The following SRRM3 variants were observed in gnomAD, a reference collection of about 807,000 sequenced individuals.
SRRM3 encodes serine/arginine repetitive matrix protein 3.
In SRRM3, 27 loss-of-function variants were observed where a neutral mutation model predicts 66.2. That is an observed-to-expected ratio of 0.41 (90% confidence interval 0.30 to 0.56). The LOEUF is 0.56. SRRM3 is among the 20% of genes least tolerant of loss of function. The pLI is 0.32. For synonymous variants in SRRM3, 391 were observed against 414.9 expected, an observed-to-expected ratio of 0.94 and a Z score of 0.70; for missense variants, 918 against 991.9, an observed-to-expected ratio of 0.93 and a Z score of 1.00.
In SRRM3 at chr7:76,281,811, G is replaced by A; in HGVS notation, c.1370+9G>A. 7.4e-7 allele frequency: 1 copy of A among 1,356,900 alleles called. No homozygotes were observed. Among genetic ancestry groups the A allele is most frequent in the Non-Finnish European group, 9.5e-7 (1 of 1,054,962 alleles). 84.1% of individuals were successfully genotyped at this position (1,356,900 alleles called of 1,614,324 possible). ...GGCGGACACGGGAAACGGTGAGCGT[G>A]CTGGACCCGGAGCTGGACTCCCGCC... On this transcript the variant is annotated intron_variant, in intron 12 of 14. Transcript: ENST00000611745.
chr7:76,213,733 TG>T (rs1800492461), intron 1 of SRRM3, among the ~76,000 whole-genome samples: 1 of 151,990 alleles, frequency 6.6e-6, no homozygotes, highest in Admixed American at 6.6e-5. Context: ...GGATGGGAAG[TG>T]GTGGCAGAGG....
chr7:76,266,584 ATATATTT>A (rs1331647505), intron 10 of SRRM3, among the ~76,000 whole-genome samples: 1 of 121,630 alleles, frequency 8.2e-6, no homozygotes, highest in African/African-American at 3.2e-5. Flanking sequence ...TTTATATATT[ATATATTT>A]TATATATTTA....
chr7:76,220,112 G>A (rs955124174), intron 1 of SRRM3, among the ~76,000 whole-genome samples: 6 of 152,154 alleles, frequency 3.9e-5, no homozygotes, highest in African/African-American at 7.2e-5. Flanking sequence ...AAACACAGGC[G>A]GGGTCTCAGC....
intron 3 of SRRM3, among the ~76,000 whole-genome samples, chr7:76,248,947 T>C (rs1801507117): frequency 6.6e-6 from 1 of 152,038 alleles, no homozygotes; most frequent in Non-Finnish European, 1.5e-5. Context: ...GCCACTGTAC[T>C]CCAGCCTGGT....
intron 11 of SRRM3, among the ~76,000 whole-genome samples, 187 bp from the exon 12 acceptor site, chr7:76,281,250 TTCTG>T (rs782104200): frequency 7.3e-5 from 11 of 150,530 alleles, no homozygotes; most frequent in Non-Finnish European, 1.5e-4. Context: ...CTCGCTCTTT[TTCTG>T]TCTCTCTGTC....
At chr7:76,223,710 C>T (rs377722833) in intron 1 of SRRM3, among the ~76,000 whole-genome samples, 1 of 152,116 alleles carries the variant, frequency 6.6e-6, no homozygotes, top group Admixed American at 6.5e-5. Flanking sequence ...TCTCATCCTG[C>T]GTTTGCAGCC....
chr7:76,259,994 G>C lies in SRRM3; in HGVS notation c.424G>C (p.Asp142His), dbSNP rs1554608304. Reference sequence around the variant, plus strand: ...CGATGACGACGGCCCAGTGGACTGTGACTGCCCGGCCTCCTGCTACCGCGG... The same window carrying C: ...CGATGACGACGGCCCAGTGGACTGTCACTGCCCGGCCTCCTGCTACCGCGG... The part of the protein sequence containing the change: ...FDDDDGPVDC[D>H]CPASCYRGHR... Residue 142 changes from aspartate (D) to histidine (H), a missense_variant, in exon 4 of 15, where the codon GAC (aspartate) becomes CAC (histidine). Transcript: ENST00000611745. The C allele has an allele frequency of 1.0e-5, 16 of 1,594,060 alleles. No individual in the cohort carries two copies. The highest frequency in any genetic ancestry group is 1.4e-5 in the Non-Finnish European group (16 of 1,175,880).
chr7:76,239,705 A>G (rs913474333), intron 2 of SRRM3, among the ~76,000 whole-genome samples: 2 of 152,148 alleles, frequency 1.3e-5, no homozygotes, highest in East Asian at 3.8e-4. Flanking sequence ...CCCATCTAAA[A>G]ACAAAAAACA....
At chr7:76,284,902 C>T (rs1802617649) in intron 14 of SRRM3, among the ~76,000 whole-genome samples, 1 of 152,128 alleles carries the variant, frequency 6.6e-6, no homozygotes. Context: ...GAGCAGCGGC[C>T]AGGACTCCCC....
rs149513107 is a variant in SRRM3, at chr7:76,221,238, A to G, written c.-39-13790A>G. ...ACACCCAGTTAATTTTTGTATTTTTAGTAAAAGAGTTTTGCCATGTTGGCC... is the reference window on the plus strand; with the variant it reads ...ACACCCAGTTAATTTTTGTATTTTTGGTAAAAGAGTTTTGCCATGTTGGCC... On this transcript the variant is annotated intron_variant, in intron 1 of 14. Transcript: ENST00000611745. 6.6e-3 allele frequency among the ~76,000 whole-genome samples: 982 copies of G among 149,558 alleles called. 10 individuals are homozygous for G. The highest frequency in any genetic ancestry group is 0.021 in the African/African-American group (852 of 40,396).
At chr7:76,207,157 C>A (rs1800320871) in intron 1 of SRRM3, among the ~76,000 whole-genome samples, 1 of 152,164 alleles carries the variant, frequency 6.6e-6, no homozygotes, top group East Asian at 1.9e-4. Flanking sequence ...AAAAAATTAG[C>A]CATGTGTGGT....
chr7:76,215,291 C>G (rs1303626420), intron 1 of SRRM3, among the ~76,000 whole-genome samples: 2 of 151,642 alleles, frequency 1.3e-5, no homozygotes, highest in African/African-American at 4.8e-5. Context: ...AAAAGCCAAC[C>G]CACTGAAAAA....
chr7:76,232,494 C>G (rs1357889080), intron 1 of SRRM3, among the ~76,000 whole-genome samples: 1 of 151,954 alleles, frequency 6.6e-6, no homozygotes, highest in Non-Finnish European at 1.5e-5. Context: ...ATCACTTGAA[C>G]CCAGGAGGTG....
At chr7:76,208,514 A>AAG (rs1800354840) in intron 1 of SRRM3, among the ~76,000 whole-genome samples, 2 of 151,636 alleles carry the variant, frequency 1.3e-5, no homozygotes, top group South Asian at 2.1e-4. Flanking sequence ...ACAAAAAAAA[A>AAG]AAGAAGAAGA....
intron 11 of SRRM3, chr7:76,268,568 C>T (rs541397015): frequency 6.6e-6 from 1 of 152,370 alleles, no homozygotes; most frequent in South Asian, 2.1e-4. Context: ...TTGGCTGTTT[C>T]CTTTCACTCC....
At chr7:76,255,215 T>A (rs1317172951) in intron 3 of SRRM3, among the ~76,000 whole-genome samples, 3 of 142,464 alleles carry the variant, frequency 2.1e-5, no homozygotes, top group Non-Finnish European at 3.0e-5. Context: ...AGTGGTGCGA[T>A]CTTGGCTCAC....
rs555246555 is a variant in SRRM3, at chr7:76,260,642, C to A, written c.546-232C>A. ...ACTGAATCCCCCAGAGCCAGACTCA[C>A]TGACCGGGCCCGTGTGTTACCAGCA... On this transcript the variant is annotated intron_variant, in intron 5 of 14. Transcript: ENST00000611745. Among the ~76,000 whole-genome samples the A allele has an allele frequency of 1.6e-3, 237 of 152,004 alleles. 1 individual carries two copies. The highest frequency in any genetic ancestry group is 5.5e-3 in the African/African-American group (228 of 41,470).
chr7:76,235,549 T>G lies in SRRM3; in HGVS notation c.233+250T>G, dbSNP rs117671435. 3.1e-4 allele frequency among the ~76,000 whole-genome samples: 47 copies of G among 152,224 alleles called. 1 individual carries two copies. In the East Asian group the frequency reaches 8.9e-3, roughly 29 times the overall value. On this transcript the variant is annotated intron_variant, in intron 2 of 14. Transcript: ENST00000611745. ...ATCTTTCATTTATGTATTAGGTTGTTGCAAAAGTAATCACGGTTTTTGCCA... is the reference window on the plus strand; with the variant it reads ...ATCTTTCATTTATGTATTAGGTTGTGGCAAAAGTAATCACGGTTTTTGCCA...
chr7:76,259,068 G>A (rs1050729629), intron 3 of SRRM3, among the ~76,000 whole-genome samples: 1 of 151,568 alleles, frequency 6.6e-6, no homozygotes, highest in African/African-American at 2.4e-5. Context: ...CCAGGACAAC[G>A]GAGTGAGACT....
Sources: allele counts gnomAD v4.1 joint callset (sites outside exome capture counted in the v4.1 genomes callset), GRCh38; gene constraint gnomAD v4.1.1; transcripts MANE v1.5; gene names NCBI Gene and HGNC (gene_info 2026-07-23, HGNC 2026-07-21).